PTCD2: variants seen among roughly 807,000 people sequenced by gnomAD.
PTCD2 encodes pentatricopeptide repeat-containing protein 2, mitochondrial.
PTCD2 carries 31 observed loss-of-function variants against 42.6 expected under a neutral mutation model. That is an observed-to-expected ratio of 0.73 (90% confidence interval 0.55 to 0.98). The LOEUF (loss-of-function observed/expected upper bound fraction) is 0.98, where lower values mean the gene tolerates loss of function less well. PTCD2 is among the 50% of genes least tolerant of loss of function. PTCD2 has a pLI of 0.00. For missense variants in PTCD2, 476 were observed against 454.8 expected (o/e 1.05, Z -0.42); for synonymous variants, 183 against 170.9 (o/e 1.07, Z -0.55).
At position 72,321,833 on chromosome 5, in the gene PTCD2, G is replaced by A. The variant is rs150979328; in HGVS notation, c.128-339G>A. Among the ~76,000 whole-genome samples, 1,012 of 151,762 alleles carry A rather than the reference G, an allele frequency of 6.7e-3. 9 individuals carry two copies. The highest frequency in any genetic ancestry group is 0.021 in the African/African-American group (870 of 41,362). Reference sequence around the variant, plus strand: ...AATGTTATTAGTTTTTTTTTTAAATGCCCTTGATACCCTTAACCGATGGCA... The same window carrying A: ...AATGTTATTAGTTTTTTTTTTAAATACCCTTGATACCCTTAACCGATGGCA... On this transcript the variant is annotated intron_variant, in intron 1 of 9. Coordinates refer to ENST00000380639, the MANE Select transcript of PTCD2 (RefSeq NM_024754.5).
intron 1 of PTCD2, 29 bp from the exon 2 acceptor site, chr5:72,322,143 C>A: frequency 8.2e-7 from 1 of 1,214,488 alleles, no homozygotes; most frequent in Non-Finnish European, 1.2e-6. Context: ...GTCAAAATGA[C>A]TTTACTTTTT....
In PTCD2 at chr5:72,365,787, T is replaced by C. The variant is rs1753190465; in HGVS notation, c.*7360T>C. On this transcript the variant is annotated 3_prime_UTR_variant, in exon 10 of 10. Transcript: ENST00000380639. ...GCTATAGAGAGCAGAGAAAATGTCA[T>C]TTCCAATTTAGAAGATCATAATCGA... 1 of 152,210 alleles carries C rather than the reference T, an allele frequency of 6.6e-6. No homozygotes were observed. The highest frequency in any genetic ancestry group is 6.5e-5 in the Admixed American group (1 of 15,278). 9.4% of individuals were successfully genotyped at this position (152,210 alleles called of 1,614,324 possible).
rs558558139 is a variant in PTCD2 at position 72,325,564 on chromosome 5, G to A, written c.221-1048G>A. Among the ~76,000 whole-genome samples, 7 of 152,274 alleles carry A rather than the reference G, an allele frequency of 4.6e-5. No individual in the cohort carries two copies. In the South Asian group the frequency reaches 1.0e-3, roughly 23 times the overall value. On this transcript the variant is annotated intron_variant, in intron 2 of 9. Coordinates refer to ENST00000380639, the MANE Select transcript of PTCD2 (RefSeq NM_024754.5). ...CAGCCCAGGTCCTTCCATCTCTAGAGCCTTTAACTGTTACATGGTTCTGCA... is the reference window on the plus strand; with the variant it reads ...CAGCCCAGGTCCTTCCATCTCTAGAACCTTTAACTGTTACATGGTTCTGCA...
In PTCD2 at chr5:72,360,177, T is replaced by A. The variant is rs745745819; in HGVS notation, c.*1750T>A. The A allele has an allele frequency of 1.3e-5, 2 of 151,800 alleles. No individual in the cohort carries two copies. Among genetic ancestry groups the A allele is most frequent in the Non-Finnish European group, 2.9e-5 (2 of 67,986 alleles). 9.4% of individuals were successfully genotyped at this position (151,800 alleles called of 1,614,324 possible). ...TTCTCTGCCCTCATAGAATCCTAAT[T>A]GTTTCTGTATGTGTCTGGTGTTTTG... On this transcript the variant is annotated 3_prime_UTR_variant, in exon 10 of 10. Transcript: ENST00000380639.
intron 6 of PTCD2, 89 bp from the exon 7 acceptor site, chr5:72,338,532 CA>C: frequency 1.8e-6 from 1 of 554,704 alleles, no homozygotes; most frequent in South Asian, 4.8e-5. Context: ...GAAATCCTTA[CA>C]AAAGGAACTA....
Position 72,361,783 on chromosome 5 carries a change from A to C in PTCD2, c.*3356A>C, listed in dbSNP as rs940349558. The C allele has an allele frequency of 2.0e-5, 3 of 152,080 alleles. No homozygotes were observed. Among genetic ancestry groups the C allele is most frequent in the Non-Finnish European group, 4.4e-5 (3 of 68,076 alleles). 9.4% of individuals were successfully genotyped at this position (152,080 alleles called of 1,614,324 possible). ...TGTCCATCCAGCTCCAACTCTTGCT[A>C]CTCTACGCCCCTCTTCCCCTCTTGT... On this transcript the variant is annotated 3_prime_UTR_variant, in exon 10 of 10. Transcript: ENST00000380639.
At chr5:72,347,549 G>C (rs557771341) in intron 8 of PTCD2, among the ~76,000 whole-genome samples, 1 of 152,078 alleles carries the variant, frequency 6.6e-6, no homozygotes, top group Non-Finnish European at 1.5e-5. Context: ...AGCTGAACGT[G>C]GTGGTGTGTG....
At chr5:72,354,382 G>GAAA (rs35170727) in intron 9 of PTCD2, among the ~76,000 whole-genome samples, 775 of 29,802 alleles carry the variant, frequency 0.026, 211 homozygotes, top group Middle Eastern at 0.059. Context: ...GACTCCATCT[G>GAAA]AAAAAAAAAA....
intron 7 of PTCD2, among the ~76,000 whole-genome samples, chr5:72,339,651 G>A (rs1208146479): frequency 1.3e-5 from 2 of 148,916 alleles, no homozygotes; most frequent in Non-Finnish European, 3.0e-5. Context: ...AGGTGAGTGA[G>A]GTGAATTAAA....
chr5:72,332,059 T>C (rs1751466554), intron 4 of PTCD2, among the ~76,000 whole-genome samples: 1 of 152,228 alleles, frequency 6.6e-6, no homozygotes, highest in African/African-American at 2.4e-5. Flanking sequence ...AACATCACTT[T>C]GGGGGAGTGT....
chr5:72,350,556 G>A (rs2112217443), intron 8 of PTCD2, among the ~76,000 whole-genome samples: 1 of 152,340 alleles, frequency 6.6e-6, no homozygotes, highest in Non-Finnish European at 1.5e-5. Flanking sequence ...AGCAGTCAGT[G>A]CTTTTGCTCT....
intron 9 of PTCD2, 22 bp from the exon 10 acceptor site, chr5:72,358,181 A>T (rs1752972821): frequency 6.3e-7 from 1 of 1,582,524 alleles, no homozygotes; most frequent in Non-Finnish European, 8.7e-7. Flanking sequence ...AGATGTAATG[A>T]TGTGTTCTTG....
At chr5:72,328,169 A>C (rs942108746) in intron 3 of PTCD2, among the ~76,000 whole-genome samples, 4 of 152,224 alleles carry the variant, frequency 2.6e-5, no homozygotes, top group African/African-American at 7.2e-5. Flanking sequence ...ATTATTTCTC[A>C]TAATCCTGGA....
In PTCD2 at chr5:72,366,546, T is replaced by G. The variant is rs1175164705; in HGVS notation, c.*8119T>G. 6.6e-6 allele frequency: 1 copy of G among 152,232 alleles called. No individual in the cohort carries two copies. Among genetic ancestry groups the G allele is most frequent in the Non-Finnish European group, 1.5e-5 (1 of 68,042 alleles). 9.4% of individuals were successfully genotyped at this position (152,232 alleles called of 1,614,324 possible). A position where few individuals can be genotyped will look rare whatever the true frequency, so the allele number is the denominator to read the frequency against. ...CTGTCAGTAGCAGAGCTGAAGAACT[T>G]ACAATAGACGGCAGAGGGCGTCCAG... On this transcript the variant is annotated 3_prime_UTR_variant, in exon 10 of 10. Transcript: ENST00000380639.
At chr5:72,339,264 G>C (rs1390359882) in intron 7 of PTCD2, among the ~76,000 whole-genome samples, 1 of 152,212 alleles carries the variant, frequency 6.6e-6, no homozygotes, top group Non-Finnish European at 1.5e-5. Context: ...CTCAGTGATG[G>C]ACAGAGTTAG....
intron 9 of PTCD2, among the ~76,000 whole-genome samples, chr5:72,355,085 A>G (rs1321144387): frequency 6.6e-6 from 1 of 152,072 alleles, no homozygotes; most frequent in Non-Finnish European, 1.5e-5. Flanking sequence ...TTAAGTGGTT[A>G]TGTTGATTTC....
At chr5:72,357,937 A>AGGT (rs1752958793) in intron 9 of PTCD2, among the ~76,000 whole-genome samples, 1 of 151,840 alleles carries the variant, frequency 6.6e-6, no homozygotes, top group Non-Finnish European at 1.5e-5. Flanking sequence ...TCCTGGGCTT[A>AGGT]AGTGATCCTC....
Position 72,362,393 on chromosome 5 carries a change from G to C in PTCD2, c.*3966G>C, listed in dbSNP as rs574805603. The C allele has an allele frequency of 6.6e-6, 1 of 152,302 alleles. No homozygotes were observed. Among genetic ancestry groups the C allele is most frequent in the South Asian group, 2.1e-4 (1 of 4,820 alleles). The allele number at this position is 152,302 out of a possible 1,614,324, so 9.4% of individuals were successfully genotyped here. ...GGCTCTCACTAGACACCAAATGCTGGTGTCTTGTTCTTGGATTTCCCAGCC... is the reference window on the plus strand; with the variant it reads ...GGCTCTCACTAGACACCAAATGCTGCTGTCTTGTTCTTGGATTTCCCAGCC... On this transcript the variant is annotated 3_prime_UTR_variant, in exon 10 of 10. Coordinates refer to ENST00000380639, the MANE Select transcript of PTCD2 (RefSeq NM_024754.5).
At chr5:72,320,828 C>G (rs1750793882) in intron 1 of PTCD2, 1 of 278,270 alleles carries the variant, frequency 3.6e-6, no homozygotes, top group African/African-American at 2.2e-5. Context: ...ATTTTTGAGA[C>G]GAAGTCTTGC....
Sources: allele counts gnomAD v4.1 joint callset (sites outside exome capture counted in the v4.1 genomes callset), GRCh38; gene constraint gnomAD v4.1.1; transcripts MANE v1.5; gene names NCBI Gene and HGNC (gene_info 2026-07-23, HGNC 2026-07-21).